Variants in PCDHGA1 observed in about 807,000 individuals in gnomAD.
PCDHGA1 encodes the protein protocadherin gamma-A1.
In PCDHGA1, 32 loss-of-function variants were observed where a neutral mutation model predicts 58.0. That is an observed-to-expected ratio of 0.55 (90% CI 0.42 to 0.74). The LOEUF is 0.74. Among genes scored for constraint, PCDHGA1 ranks in the 30% least tolerant of loss-of-function variants. The pLI, the probability that PCDHGA1 is intolerant of heterozygous loss-of-function variation, is 0.00. For missense variants in PCDHGA1, 1,205 were observed against 1,182.3 expected (o/e 1.02, Z -0.28); for synonymous variants, 498 against 501.1 (o/e 0.99, Z 0.08).
chr5:141,341,185 G>A (rs1348658280), intron 1 of PCDHGA1: 3 of 1,614,110 alleles, frequency 1.9e-6, no homozygotes, highest in Non-Finnish European at 2.5e-6. Context: ...TGCAGAGCTC[G>A]CACTTTGTGG....
chr5:141,374,102 C>T, intron 1 of PCDHGA1: 2 of 1,568,166 alleles, frequency 1.3e-6, no homozygotes, highest in South Asian at 2.4e-5. Flanking sequence ...TCCGCAGAGG[C>T]ATCCGCAGCG....
chr5:141,370,403 T>C (rs1766874006), intron 1 of PCDHGA1: 2 of 1,554,604 alleles, frequency 1.3e-6, no homozygotes, highest in Non-Finnish European at 1.7e-6. Context: ...GGATGGGAAA[T>C]AGCTCCGGAT....
chr5:141,500,340 C>T (rs188966393), intron 2 of PCDHGA1, among the ~76,000 whole-genome samples: 1 of 151,950 alleles, frequency 6.6e-6, no homozygotes, highest in East Asian at 1.9e-4. Flanking sequence ...TCCAGAATAG[C>T]TGGGACTACA....
intron 1 of PCDHGA1, among the ~76,000 whole-genome samples, chr5:141,460,793 A>T (rs954317795): frequency 2.0e-4 from 30 of 152,024 alleles, no homozygotes; most frequent in Non-Finnish European, 2.9e-5. Flanking sequence ...TATACACACA[A>T]AGTATATATA....
chr5:141,449,592 A>C (rs1344646010), intron 1 of PCDHGA1, among the ~76,000 whole-genome samples: 1 of 150,266 alleles, frequency 6.7e-6, no homozygotes, highest in African/African-American at 2.4e-5. Context: ...CTGTCTCAAA[A>C]AAAAAAAAAA....
intron 1 of PCDHGA1, chr5:141,413,907 G>C (rs745956130): frequency 6.2e-7 from 1 of 1,613,270 alleles, no homozygotes; most frequent in Non-Finnish European, 8.5e-7. Context: ...ACAACGCGCC[G>C]GTCTTCACCT....
At position 141,497,121 on chromosome 5, in the gene PCDHGA1, G is replaced by T. The variant is rs185298630; in HGVS notation, c.2480+2256G>T. Among the ~76,000 whole-genome samples, 563 of 152,212 alleles carry T rather than the reference G, an allele frequency of 3.7e-3. 5 individuals are homozygous for T. The highest frequency in any genetic ancestry group is 0.011 in the Admixed American group (164 of 15,296). On this transcript the variant is annotated intron_variant, in intron 2 of 3. Coordinates refer to ENST00000517417, the MANE Select transcript of PCDHGA1 (RefSeq NM_018912.3). Reference sequence around the variant, plus strand: ...GAACTGCTTGAACCCGGAAGGCAGAGGTTGCAGTGAGCTGAGATCACGAAA... The same window carrying T: ...GAACTGCTTGAACCCGGAAGGCAGATGTTGCAGTGAGCTGAGATCACGAAA...
intron 1 of PCDHGA1, chr5:141,357,859 C>G: frequency 1.7e-6 from 1 of 591,080 alleles, no homozygotes; most frequent in South Asian, 2.2e-5. Context: ...CCAGAATTTT[C>G]TAATTTTACA....
At chr5:141,403,074 A>G (rs777613681) in intron 1 of PCDHGA1, 9 of 1,614,088 alleles carry the variant, frequency 5.6e-6, no homozygotes, top group Non-Finnish European at 6.8e-6. Flanking sequence ...GAGACAGAAA[A>G]GGGCTATATT....
intron 1 of PCDHGA1, chr5:141,410,799 C>T: frequency 2.9e-5 from 16 of 560,592 alleles, no homozygotes; most frequent in South Asian, 8.0e-5. Context: ...ATAAGTTGCT[C>T]TATCTTTTTG....
At chr5:141,347,455 T>C (rs1561493886) in intron 1 of PCDHGA1, among the ~76,000 whole-genome samples, 1 of 152,040 alleles carries the variant, frequency 6.6e-6, no homozygotes, top group Admixed American at 6.6e-5. Flanking sequence ...ATGCCTGGCC[T>C]GTTATTCTTT....
At chr5:141,345,529 C>G in intron 1 of PCDHGA1, 1 of 1,614,166 alleles carries the variant, frequency 6.2e-7, no homozygotes, top group South Asian at 1.1e-5. Flanking sequence ...CTCCAGGGGG[C>G]GCCCCTGTCC....
intron 1 of PCDHGA1, chr5:141,356,597 CCA>C (rs1177164623): frequency 1.2e-6 from 2 of 1,614,034 alleles, no homozygotes; most frequent in East Asian, 4.5e-5. Context: ...GAAAACAACC[CCA>C]GAGGAGCCTC....
chr5:141,478,186 C>T, intron 1 of PCDHGA1: 2 of 1,614,016 alleles, frequency 1.2e-6, no homozygotes, highest in Non-Finnish European at 1.7e-6. Context: ...AAAAAAATCT[C>T]ACCTTTTATC....
intron 1 of PCDHGA1, chr5:141,414,478 C>T (rs977591382): frequency 5.6e-6 from 9 of 1,613,884 alleles, no homozygotes; most frequent in Non-Finnish European, 3.4e-6. Flanking sequence ...GGGAAGTCCT[C>T]CTCTATCAAC....
chr5:141,479,572 T>G (rs956648090), intron 1 of PCDHGA1: 2 of 152,190 alleles, frequency 1.3e-5, no homozygotes, highest in African/African-American at 2.4e-5. Context: ...TGGGATGACA[T>G]CTGTGAATAG....
chr5:141,347,126 CCTCTG>C (rs1757878561), intron 1 of PCDHGA1, among the ~76,000 whole-genome samples: 11 of 60,650 alleles, frequency 1.8e-4, no homozygotes, highest in African/African-American at 5.1e-4. Context: ...TTCCTTCCTT[CCTCTG>C]TTTCTCTCTT....
chr5:141,346,654 G>GA (rs891922571), intron 1 of PCDHGA1: 14 of 777,668 alleles, frequency 1.8e-5, no homozygotes, highest in Non-Finnish European at 2.6e-5. Context: ...TGGGCTTAGG[G>GA]AAAAAATAAT....
chr5:141,352,253 C>G lies in PCDHGA1; in HGVS notation c.2421+19148C>G, dbSNP rs752340715. 5 of 1,614,100 alleles carry G rather than the reference C, an allele frequency of 3.1e-6. No homozygotes were observed. The Admixed American group carries it at 5.0e-5, about 16-fold the overall frequency. On this transcript the variant is annotated intron_variant, in intron 1 of 3. Transcript: ENST00000517417. ...GCACCTAATCTTCGCGGATAGCCTG[C>G]AAGAGGTATTGCCAGACCTCAGCGA...
Sources: allele counts gnomAD v4.1 joint callset (sites outside exome capture counted in the v4.1 genomes callset), GRCh38; gene constraint gnomAD v4.1.1; transcripts MANE v1.5; gene names NCBI Gene and HGNC (gene_info 2026-07-23, HGNC 2026-07-21).